The following CMC1 variants were observed in gnomAD, a reference collection of about 807,000 sequenced individuals.
CMC1 encodes COX assembly mitochondrial protein homolog.
A neutral mutation model predicts 14.1 loss-of-function variants in CMC1; 14 were observed. The ratio of observed to expected loss-of-function variants is 0.99; its 90% confidence interval spans 0.66 to 1.55. The LOEUF is 1.55. Among genes scored for constraint, CMC1 ranks in the 40% most tolerant of loss-of-function variants. The pLI, the probability that CMC1 is intolerant of heterozygous loss-of-function variation, is 0.00. For synonymous variants in CMC1, 50 were observed against 38.4 expected (o/e 1.30, Z -1.12); for missense variants, 127 against 123.8 (o/e 1.03, Z -0.12).
At chr3:28,283,251 C>G (rs1278599527) in intron 2 of CMC1, among the ~76,000 whole-genome samples, 2 of 151,968 alleles carry the variant, frequency 1.3e-5, no homozygotes, top group African/African-American at 4.8e-5. Context: ...TGGTGGCTCA[C>G]GCCTGTAATC....
chr3:28,268,731 A>T (rs1413568314), intron 2 of CMC1, among the ~76,000 whole-genome samples: 16 of 152,248 alleles, frequency 1.1e-4, no homozygotes, highest in Admixed American at 1.0e-3. Flanking sequence ...GCACATGGAC[A>T]TAATAAAAGT....
chr3:28,305,779 ATTTTTTTTTTTTTTTTTTT>A (rs71087685), intron 2 of CMC1, among the ~76,000 whole-genome samples: 1 of 43,534 alleles, frequency 2.3e-5, no homozygotes, highest in Non-Finnish European at 3.7e-5. Flanking sequence ...TTTCATAGGA[ATTTTTTTTTTTTTTTTTTT>A]TTTTTTTTTT....
At chr3:28,289,161 T>G (rs1701344202) in intron 2 of CMC1, among the ~76,000 whole-genome samples, 1 of 151,804 alleles carries the variant, frequency 6.6e-6, no homozygotes, top group South Asian at 2.1e-4. Flanking sequence ...GCAGTATTAA[T>G]TTAGAGTTAT....
At chr3:28,280,015 G>A (rs1471604352) in intron 2 of CMC1, among the ~76,000 whole-genome samples, 9 of 152,072 alleles carry the variant, frequency 5.9e-5, no homozygotes, top group Non-Finnish European at 7.4e-5. Context: ...GCCCAGATTC[G>A]TCTCAAAAAA....
chr3:28,255,718 T>TAC (rs1207556502), intron 1 of CMC1, among the ~76,000 whole-genome samples: 1 of 99,232 alleles, frequency 1.0e-5, no homozygotes, highest in East Asian at 3.3e-4. Context: ...TATATACATG[T>TAC]ACATACACAC....
Position 28,323,523 on chromosome 3 carries a change from C to G in CMC1, c.*3894C>G, listed in dbSNP as rs921385794. ...ACTTTAAATCTTAAATATTGAAACG[C>G]AATAGCATATAAAGATGGTATAACC... On this transcript the variant is annotated 3_prime_UTR_variant, in exon 4 of 4. Coordinates refer to ENST00000466830, the MANE Select transcript of CMC1 (RefSeq NM_182523.2). The G allele has an allele frequency of 6.6e-6, 1 of 151,338 alleles. No homozygotes were observed. Among genetic ancestry groups the G allele is most frequent in the Non-Finnish European group, 1.5e-5 (1 of 67,304 alleles). The allele number at this position is 151,338 out of a possible 1,614,324, so 9.4% of individuals were successfully genotyped here. A position where few individuals can be genotyped will look rare whatever the true frequency, so the allele number is the denominator to read the frequency against.
At chr3:28,291,985 T>C (rs1176749274) in intron 2 of CMC1, 2 of 151,940 alleles carry the variant, frequency 1.3e-5, no homozygotes, top group African/African-American at 4.8e-5. Flanking sequence ...ACTAAGTGTT[T>C]TTGTTTTGTT....
intron 1 of CMC1, among the ~76,000 whole-genome samples, chr3:28,254,498 A>C (rs914345303): frequency 6.6e-6 from 1 of 152,164 alleles, no homozygotes; most frequent in Non-Finnish European, 1.5e-5. Flanking sequence ...AGGAAGTTTT[A>C]GAAGAAGGAT....
chr3:28,322,611 G>C lies in CMC1; in HGVS notation c.*2982G>C, dbSNP rs749940339. 1 of 151,544 alleles carries C rather than the reference G, an allele frequency of 6.6e-6. No individual in the cohort carries two copies. The highest frequency in any genetic ancestry group is 1.5e-5 in the Non-Finnish European group (1 of 67,412). 9.4% of individuals were successfully genotyped at this position (151,544 alleles called of 1,614,324 possible). ...TCCTTCAGCTAAAGCCTGGAGTATTGTATTTCTTTTATGCATATTGGGTTT... is the reference window on the plus strand; with the variant it reads ...TCCTTCAGCTAAAGCCTGGAGTATTCTATTTCTTTTATGCATATTGGGTTT... On this transcript the variant is annotated 3_prime_UTR_variant, in exon 4 of 4. Transcript: ENST00000466830.
At chr3:28,286,027 AG>A (rs1485227139) in intron 2 of CMC1, among the ~76,000 whole-genome samples, 4 of 151,968 alleles carry the variant, frequency 2.6e-5, no homozygotes, top group African/African-American at 9.7e-5. Context: ...GGCCTCCCAA[AG>A]TGCTGGGATT....
intron 2 of CMC1, among the ~76,000 whole-genome samples, chr3:28,294,212 C>G (rs1267527289): frequency 6.6e-6 from 1 of 151,836 alleles, no homozygotes; most frequent in Non-Finnish European, 1.5e-5. Context: ...TGAGCTCTGT[C>G]AAAAAAATTA....
chr3:28,319,196 C>T, intron 3 of CMC1: 1 of 462,686 alleles, frequency 2.2e-6, no homozygotes, highest in South Asian at 1.6e-5. Context: ...GTGCACTGGG[C>T]CATACCTCTG....
intron 2 of CMC1, among the ~76,000 whole-genome samples, chr3:28,294,992 A>G (rs1701667485): frequency 6.6e-6 from 1 of 152,046 alleles, no homozygotes; most frequent in South Asian, 2.1e-4. Flanking sequence ...ATTTTTTTTA[A>G]AACAAAACAA....
rs1446270896 is a variant in CMC1 at position 28,320,106 on chromosome 3, G to C, written c.*477G>C. On this transcript the variant is annotated 3_prime_UTR_variant, in exon 4 of 4. Transcript: ENST00000466830. ...TGTGGAAGTAAATCTAATACAGTTT[G>C]TGAGGATGTACTGAGTATTGCATAT... The C allele has an allele frequency of 6.5e-6, 1 of 154,220 alleles. No homozygotes were observed. The highest frequency in any genetic ancestry group is 2.4e-5 in the African/African-American group (1 of 41,370). The allele number at this position is 154,220 out of a possible 1,614,324, so 9.6% of individuals were successfully genotyped here.
intron 2 of CMC1, 118 bp downstream of exon 2, chr3:28,263,498 C>A: frequency 1.7e-6 from 1 of 588,214 alleles, no homozygotes; most frequent in East Asian, 3.3e-5. Context: ...TGCTTCTCAC[C>A]CTTTCGCTGA....
chr3:28,244,348 G>A (rs1432926634), intron 1 of CMC1, among the ~76,000 whole-genome samples: 1 of 152,084 alleles, frequency 6.6e-6, no homozygotes. Context: ...AGCCCAAGAT[G>A]GTAATAGACA....
At chr3:28,309,934 A>C (rs1702546885) in intron 2 of CMC1, among the ~76,000 whole-genome samples, 1 of 105,526 alleles carries the variant, frequency 9.5e-6, no homozygotes, top group Admixed American at 1.2e-4. Flanking sequence ...CCTCCACCTG[A>C]CGTCCACCAC....
At chr3:28,305,522 C>T (rs989795778) in intron 2 of CMC1, among the ~76,000 whole-genome samples, 4 of 152,106 alleles carry the variant, frequency 2.6e-5, no homozygotes, top group African/African-American at 9.7e-5. Context: ...AACTAATTTA[C>T]ATTCTGTTTA....
chr3:28,276,013 C>T (rs1700573754), intron 2 of CMC1, among the ~76,000 whole-genome samples: 1 of 152,170 alleles, frequency 6.6e-6, no homozygotes, highest in Admixed American at 6.5e-5. Flanking sequence ...GGCTGCTGCC[C>T]CTTCTTCTGG....
Sources: gnomAD v4.1 joint callset for allele counts (sites outside exome capture counted in the v4.1 genomes callset) on GRCh38, gnomAD v4.1.1 for gene constraint, MANE v1.5 for transcripts, NCBI Gene and HGNC (gene_info 2026-07-23, HGNC 2026-07-21) for gene names.